Variants in TPD52L1 observed in about 807,000 individuals in gnomAD.
The protein encoded by TPD52L1 is TPD52 like 1, also known as tumor protein D53.
TPD52L1 carries 18 observed loss-of-function variants against 28.7 expected under a neutral mutation model. That is an observed-to-expected ratio of 0.63 (90% CI 0.43 to 0.93). The LOEUF is 0.93. Among genes scored for constraint, TPD52L1 ranks in the 40% least tolerant of loss-of-function variants. The probability of loss-of-function intolerance (pLI) is 0.00; values close to 1 mark genes in which losing one functional copy is unlikely to be tolerated. For missense variants in TPD52L1, 203 were observed against 254.8 expected, an observed-to-expected ratio of 0.80 and a Z score of 1.39; for synonymous variants, 75 against 88.8, an observed-to-expected ratio of 0.84 and a Z score of 0.88.
Position 125,199,930 on chromosome 6 carries a change from C to T in TPD52L1, c.20-20148C>T, listed in dbSNP as rs1793697001. On this transcript the variant is annotated intron_variant, in intron 1 of 6. Coordinates refer to ENST00000534000, the MANE Select transcript of TPD52L1 (RefSeq NM_003287.4). Reference sequence around the variant, plus strand: ...TGTTCCATTACATTAGGGGAAGCCTCCTTAGTGGCTCATCACCTCATTGCC... The same window carrying T: ...TGTTCCATTACATTAGGGGAAGCCTTCTTAGTGGCTCATCACCTCATTGCC... 2.6e-5 allele frequency among the ~76,000 whole-genome samples: 4 copies of T among 152,182 alleles called. No homozygotes were observed. The South Asian group carries it at 8.3e-4, about 32-fold the overall frequency.
intron 1 of TPD52L1, among the ~76,000 whole-genome samples, chr6:125,177,079 G>T (rs1456543515): frequency 6.6e-6 from 1 of 152,060 alleles, no homozygotes; most frequent in Non-Finnish European, 1.5e-5. Context: ...AAGAATCTCT[G>T]TCATCTTAAT....
At chr6:125,172,152 C>CTT (rs1417126469) in intron 1 of TPD52L1, among the ~76,000 whole-genome samples, 1 of 51,300 alleles carries the variant, frequency 1.9e-5, no homozygotes, top group Non-Finnish European at 3.7e-5. Context: ...TTCTTTCTTT[C>CTT]TTTCTTTTCT....
chr6:125,231,192 T>C (rs1795927420), intron 3 of TPD52L1: 1 of 152,212 alleles, frequency 6.6e-6, no homozygotes, highest in Admixed American at 6.5e-5. Flanking sequence ...GGGGTATAAG[T>C]ACCAGGAAGA....
intron 1 of TPD52L1, among the ~76,000 whole-genome samples, chr6:125,204,481 T>G (rs530985226): frequency 6.6e-6 from 1 of 152,238 alleles, no homozygotes; most frequent in African/African-American, 2.4e-5. Flanking sequence ...ATCAGATTTT[T>G]TATTTTTATT....
At chr6:125,198,994 C>T (rs1793624274) in intron 1 of TPD52L1, among the ~76,000 whole-genome samples, 1 of 152,174 alleles carries the variant, frequency 6.6e-6, no homozygotes, top group Non-Finnish European at 1.5e-5. Context: ...TAGCTGATTT[C>T]CTTCATCCTT....
At chr6:125,192,572 G>A (rs1022615823) in intron 1 of TPD52L1, among the ~76,000 whole-genome samples, 2 of 152,118 alleles carry the variant, frequency 1.3e-5, no homozygotes, top group Non-Finnish European at 2.9e-5. Flanking sequence ...CCTTAACAGA[G>A]AGCCCCATCT....
intron 1 of TPD52L1, among the ~76,000 whole-genome samples, chr6:125,157,177 T>A (rs182642147): frequency 1.5e-4 from 23 of 152,286 alleles, no homozygotes; most frequent in South Asian, 4.1e-4. Context: ...AGATGGCTTG[T>A]CTTTCTGCCT....
rs546569066 is a variant in TPD52L1 at position 125,226,138 on chromosome 6, A to G, written c.136-2980A>G. 7.9e-5 allele frequency among the ~76,000 whole-genome samples: 12 copies of G among 152,288 alleles called. No homozygotes were observed. The South Asian group carries it at 1.7e-3, about 21-fold the overall frequency. On this transcript the variant is annotated intron_variant, in intron 2 of 6. Transcript: ENST00000534000. ...CCAACTTTTGCGATTAGTTTTTGGCATATATTTAGATCTCTGATAAATATT... is the reference window on the plus strand; with the variant it reads ...CCAACTTTTGCGATTAGTTTTTGGCGTATATTTAGATCTCTGATAAATATT...
In TPD52L1 at chr6:125,172,530, A is replaced by ATAT. The variant is rs1554202640; in HGVS notation, c.19+18561_19+18563dup. On this transcript the variant is annotated intron_variant, in intron 1 of 6. Coordinates refer to ENST00000534000, the MANE Select transcript of TPD52L1 (RefSeq NM_003287.4). ...TTTCATGCTATATATATATATATAT[A>ATAT]TATATATATATATATATATATAATA... is the stretch of plus-strand genomic sequence containing the variant. Among the ~76,000 whole-genome samples, 33 of 86,678 alleles carry ATAT rather than the reference A, an allele frequency of 3.8e-4. 1 individual carries two copies. The highest frequency in any genetic ancestry group is 1.3e-3 in the East Asian group (2 of 1,568). 56.9% of individuals were successfully genotyped at this position (86,678 alleles called of 152,430 possible).
chr6:125,162,295 C>A (rs973707734), intron 1 of TPD52L1, among the ~76,000 whole-genome samples: 1 of 152,088 alleles, frequency 6.6e-6, no homozygotes, highest in Non-Finnish European at 1.5e-5. Flanking sequence ...TCTAATTATA[C>A]AAATGGCAGC....
At chr6:125,251,975 T>A in intron 4 of TPD52L1, 8 of 1,535,132 alleles carry the variant, frequency 5.2e-6, no homozygotes, top group Non-Finnish European at 7.0e-6. Context: ...TGCCTCCTGT[T>A]TGCTAACTCT....
intron 2 of TPD52L1, among the ~76,000 whole-genome samples, chr6:125,224,194 G>C (rs1185313474): frequency 1.3e-5 from 2 of 152,006 alleles, no homozygotes; most frequent in African/African-American, 4.8e-5. Context: ...TTTTGAAAAG[G>C]ATAAAGTTTT....
chr6:125,239,417 G>A (rs1262197844), intron 3 of TPD52L1, among the ~76,000 whole-genome samples: 1 of 152,198 alleles, frequency 6.6e-6, no homozygotes, highest in Non-Finnish European at 1.5e-5. Context: ...ATGGCAGAAG[G>A]TGGAAGGCAC....
intron 1 of TPD52L1, among the ~76,000 whole-genome samples, chr6:125,169,547 T>A (rs116554090): frequency 1.3e-5 from 2 of 152,186 alleles, no homozygotes; most frequent in East Asian, 1.9e-4. Flanking sequence ...AAACCTATCA[T>A]CCACGGTTTA....
rs752603799 is a variant in TPD52L1 at position 125,220,197 on chromosome 6, T to A, written c.135+4T>A. 6.4e-7 allele frequency: 1 copy of A among 1,573,396 alleles called. No individual in the cohort carries two copies. Among genetic ancestry groups the A allele is most frequent in the South Asian group, 1.1e-5 (1 of 90,126 alleles). ...GTTAAAAGCAGAGTTAGTTCAGGTA[T>A]GTTTAGTAATCTTATTGTTGCTATT... is the stretch of plus-strand genomic sequence containing the variant. On this transcript the variant is annotated splice_donor_region_variant and intron_variant, in intron 2 of 6. Coordinates refer to ENST00000534000, the MANE Select transcript of TPD52L1 (RefSeq NM_003287.4).
intron 1 of TPD52L1, among the ~76,000 whole-genome samples, chr6:125,159,666 A>G (rs539247642): frequency 2.0e-5 from 3 of 152,324 alleles, no homozygotes; most frequent in Middle Eastern, 3.4e-3. Flanking sequence ...CAAAAAAATC[A>G]CTATCTATGG....
intron 4 of TPD52L1, among the ~76,000 whole-genome samples, chr6:125,250,752 A>G (rs951482173): frequency 4.6e-5 from 7 of 152,194 alleles, no homozygotes; most frequent in African/African-American, 1.4e-4. Flanking sequence ...TCCCGTTTCA[A>G]TGTGGCTTTG....
At chr6:125,172,156 C>T (rs867912259) in intron 1 of TPD52L1, among the ~76,000 whole-genome samples, 514 of 39,848 alleles carry the variant, frequency 0.013, 1 homozygote, top group East Asian at 0.023. Context: ...TTCTTTCTTT[C>T]TTTTCTTTCT....
At chr6:125,259,910 T>A (rs1797814682) in intron 6 of TPD52L1, 1 of 152,228 alleles carries the variant, frequency 6.6e-6, no homozygotes. Flanking sequence ...CATCTTTGCT[T>A]AAGGAGGTCC....
Sources: gnomAD v4.1 joint callset for allele counts (sites outside exome capture counted in the v4.1 genomes callset) on GRCh38, gnomAD v4.1.1 for gene constraint, MANE v1.5 for transcripts, NCBI Gene and HGNC (gene_info 2026-07-23, HGNC 2026-07-21) for gene names.